The following MYO6 variants were observed in gnomAD, a reference collection of about 807,000 sequenced individuals.
MYO6 encodes the protein myosin VI, also known as unconventional myosin-VI.
A neutral mutation model predicts 178.7 loss-of-function variants in MYO6; 74 were observed. That is an observed-to-expected ratio of 0.41 (90% CI 0.34 to 0.50). The LOEUF (loss-of-function observed/expected upper bound fraction) is 0.50, where lower values mean the gene tolerates loss of function less well. MYO6 is among the 20% of genes least tolerant of loss of function. MYO6 has a pLI of 0.09. For synonymous variants in MYO6, 477 were observed against 504.6 expected (o/e 0.95, Z 0.73); for missense variants, 1,330 against 1,547.4 (o/e 0.86, Z 2.36).
intron 1 of MYO6, among the ~76,000 whole-genome samples, chr6:75,786,990 C>T (rs1156522250): frequency 5.9e-5 from 9 of 152,180 alleles, no homozygotes; most frequent in Admixed American, 1.3e-4. Flanking sequence ...CCAGATTCTG[C>T]GCTGCATTCA....
rs549968342 is a variant in MYO6, at chr6:75,797,313, G to A, written c.-47-20188G>A. Reference sequence around the variant, plus strand: ...TCTTCATGTTGGTCAGGCTGATCTCGAACTCCCGACCTCAAGTGATCCACC... The same window carrying A: ...TCTTCATGTTGGTCAGGCTGATCTCAAACTCCCGACCTCAAGTGATCCACC... On this transcript the variant is annotated intron_variant, in intron 1 of 34. Coordinates refer to ENST00000369977, the MANE Select transcript of MYO6 (RefSeq NM_004999.4). Among the ~76,000 whole-genome samples, 5 of 152,226 alleles carry A rather than the reference G, an allele frequency of 3.3e-5. No individual in the cohort carries two copies. In the South Asian group the frequency reaches 8.3e-4, roughly 25 times the overall value.
intron 28 of MYO6, among the ~76,000 whole-genome samples, chr6:75,893,899 A>G (rs1779096862): frequency 6.6e-6 from 1 of 152,230 alleles, no homozygotes; most frequent in South Asian, 2.1e-4. Flanking sequence ...ATGCAGACTC[A>G]GCTCAGCTGC....
At chr6:75,816,053 G>T (rs572358774) in intron 1 of MYO6, among the ~76,000 whole-genome samples, 1 of 152,284 alleles carries the variant, frequency 6.6e-6, no homozygotes, top group Non-Finnish European at 1.5e-5. Context: ...AAGTATGAAA[G>T]AAACCATACA....
chr6:75,835,849 A>G, intron 6 of MYO6, 52 bp from the exon 7 acceptor site: 1 of 1,030,956 alleles, frequency 9.7e-7, no homozygotes, highest in Non-Finnish European at 1.5e-6. Flanking sequence ...ATTATAAATT[A>G]TTGTACACCA....
chr6:75,802,899 G>T (rs1316298034), intron 1 of MYO6, among the ~76,000 whole-genome samples: 1 of 152,144 alleles, frequency 6.6e-6, no homozygotes, highest in Non-Finnish European at 1.5e-5. Flanking sequence ...CACCTGGGAT[G>T]AATATCTTGC....
In MYO6 at chr6:75,851,190, A is replaced by G. The variant is rs564048978; in HGVS notation, c.1078+2659A>G. Among the ~76,000 whole-genome samples, 5 of 152,310 alleles carry G rather than the reference A, an allele frequency of 3.3e-5. No homozygotes were observed. In the South Asian group the frequency reaches 1.0e-3, roughly 32 times the overall value. On this transcript the variant is annotated intron_variant, in intron 11 of 34. Transcript: ENST00000369977. ...AAGATGCAGTTGTATAGAGTATTAT[A>G]AGTGTTGCATGATCAAGTTATTTGA...
chr6:75,890,927 T>C (rs1009400162), intron 26 of MYO6, among the ~76,000 whole-genome samples: 3 of 152,204 alleles, frequency 2.0e-5, no homozygotes, highest in Admixed American at 2.0e-4. Flanking sequence ...GATGAGTTGT[T>C]GACTTGGAGA....
intron 1 of MYO6, among the ~76,000 whole-genome samples, chr6:75,778,406 A>G (rs2150043221): frequency 6.6e-6 from 1 of 151,722 alleles, no homozygotes; most frequent in East Asian, 2.0e-4. Flanking sequence ...CATCCTGGCT[A>G]ACATGGTGAA....
At chr6:75,896,041 G>A (rs1183072073) in intron 29 of MYO6, among the ~76,000 whole-genome samples, 1 of 151,818 alleles carries the variant, frequency 6.6e-6, no homozygotes, top group East Asian at 1.9e-4. Context: ...GTAACATTTG[G>A]AATATACATT....
intron 16 of MYO6, 33 bp from the exon 17 acceptor site, chr6:75,866,493 C>A: frequency 6.8e-7 from 1 of 1,469,336 alleles, no homozygotes; most frequent in South Asian, 1.1e-5. Flanking sequence ...TATTTTTGAT[C>A]ATTTAATAAC....
intron 1 of MYO6, among the ~76,000 whole-genome samples, chr6:75,780,301 G>A (rs557172194): frequency 6.6e-6 from 1 of 152,302 alleles, no homozygotes; most frequent in East Asian, 1.9e-4. Context: ...AATTAGCTGG[G>A]TGTGGTGGTG....
chr6:75,782,410 C>CT (rs34274077), intron 1 of MYO6, among the ~76,000 whole-genome samples: 13 of 150,362 alleles, frequency 8.6e-5, no homozygotes, highest in Admixed American at 2.7e-4. Flanking sequence ...TTTTTTAATT[C>CT]TTTTTTTTTG....
intron 22 of MYO6, among the ~76,000 whole-genome samples, chr6:75,880,978 G>A (rs1031545777): frequency 1.3e-5 from 2 of 152,204 alleles, no homozygotes; most frequent in Admixed American, 1.3e-4. Context: ...GGGGTTGGGC[G>A]CTGTGGCTCA....
At chr6:75,870,721 G>T in intron 19 of MYO6, 36 bp downstream of exon 19, 3 of 1,561,348 alleles carry the variant, frequency 1.9e-6, no homozygotes, top group Non-Finnish European at 2.6e-6. Flanking sequence ...GTTTTTATGG[G>T]TCATCTAAAA....
At chr6:75,767,443 T>C (rs1200905887) in intron 1 of MYO6, among the ~76,000 whole-genome samples, 1 of 152,056 alleles carries the variant, frequency 6.6e-6, no homozygotes, top group East Asian at 1.9e-4. Flanking sequence ...TAATGTTTCA[T>C]TTAAAGTGAT....
chr6:75,882,266 C>A (rs959297924), intron 23 of MYO6, among the ~76,000 whole-genome samples: 2 of 152,186 alleles, frequency 1.3e-5, no homozygotes, highest in Non-Finnish European at 2.9e-5. Context: ...ACATTCCTTT[C>A]TTTTTCTTGC....
chr6:75,757,972 CTTTTTTTTT>C (rs71002761), intron 1 of MYO6, among the ~76,000 whole-genome samples: 1 of 74,298 alleles, frequency 1.3e-5, no homozygotes, highest in Non-Finnish European at 2.3e-5. Flanking sequence ...TTGAAGTTGG[CTTTTTTTTT>C]TTTTTTTTTT....
At chr6:75,884,524 C>G (rs1337308895) in intron 23 of MYO6, among the ~76,000 whole-genome samples, 1 of 152,108 alleles carries the variant, frequency 6.6e-6, no homozygotes, top group East Asian at 1.9e-4. Context: ...TGCCCACTAC[C>G]CAGACAGAGC....
chr6:75,886,175 G>A (rs1583363612), intron 24 of MYO6, 81 bp downstream of exon 24: 2 of 952,718 alleles, frequency 2.1e-6, no homozygotes, highest in East Asian at 2.5e-5. Context: ...ATAATAAAAA[G>A]CAGTTTGGAT....
Sources: gnomAD v4.1 joint callset for allele counts (sites outside exome capture counted in the v4.1 genomes callset) on GRCh38, gnomAD v4.1.1 for gene constraint, MANE v1.5 for transcripts, NCBI Gene and HGNC (gene_info 2026-07-23, HGNC 2026-07-21) for gene names.